The following CDCA2 variants were observed in gnomAD, a reference collection of about 807,000 sequenced individuals.
CDCA2 encodes the protein cell division cycle-associated protein 2.
Under a neutral mutation model 67.0 loss-of-function variants are expected in CDCA2, and 44 were observed. The observed-to-expected ratio is 0.66, with a 90% CI of 0.52 to 0.84. CDCA2 has a LOEUF of 0.84. Ranked by LOEUF, CDCA2 falls within the 40% of genes least tolerant of loss-of-function variation. The pLI is 0.00. For synonymous variants in CDCA2, 447 were observed against 418.7 expected (o/e 1.07, Z -0.82); for missense variants, 1,253 against 1,203.2 (o/e 1.04, Z -0.61).
At position 25,507,827 on chromosome 8, in the gene CDCA2, C is replaced by T; in HGVS notation, c.*89C>T. 1 of 1,369,438 alleles carries T rather than the reference C, an allele frequency of 7.3e-7. No homozygotes were observed. The highest frequency in any genetic ancestry group is 9.6e-7 in the Non-Finnish European group (1 of 1,042,030). The allele number at this position is 1,369,438 out of a possible 1,614,324, so 84.8% of individuals were successfully genotyped here. A position where few individuals can be genotyped will look rare whatever the true frequency, so the allele number is the denominator to read the frequency against. ...CTAGTTCCCATTCTCTGTTCAACCTCAGTGTTTCAAAAGTTCCTAATAAAT... is the reference window on the plus strand; with the variant it reads ...CTAGTTCCCATTCTCTGTTCAACCTTAGTGTTTCAAAAGTTCCTAATAAAT... On this transcript the variant is annotated 3_prime_UTR_variant, in exon 15 of 15. Coordinates refer to ENST00000330560, the MANE Select transcript of CDCA2 (RefSeq NM_152562.4).
At chr8:25,501,080 A>G (rs2117550150) in intron 13 of CDCA2, among the ~76,000 whole-genome samples, 1 of 152,340 alleles carries the variant, frequency 6.6e-6, no homozygotes, top group South Asian at 2.1e-4. Flanking sequence ...GAATGTCAAC[A>G]GATGTTCCAT....
intron 10 of CDCA2, among the ~76,000 whole-genome samples, chr8:25,484,709 C>T (rs924969794): frequency 6.6e-6 from 1 of 151,678 alleles, no homozygotes; most frequent in Non-Finnish European, 1.5e-5. Flanking sequence ...CTCCCATATC[C>T]TCCCGTCTTA....
chr8:25,483,053 C>G (rs1803630639), intron 8 of CDCA2, among the ~76,000 whole-genome samples: 1 of 152,052 alleles, frequency 6.6e-6, no homozygotes, highest in Admixed American at 6.6e-5. Flanking sequence ...AACTAATCTC[C>G]CATAGATATT....
At chr8:25,499,210 A>G (rs891122980) in intron 13 of CDCA2, among the ~76,000 whole-genome samples, 12 of 151,942 alleles carry the variant, frequency 7.9e-5, no homozygotes, top group South Asian at 4.2e-4. Flanking sequence ...GAGCCAGCAG[A>G]TAAGTAAGCA....
intron 13 of CDCA2, among the ~76,000 whole-genome samples, chr8:25,498,907 A>G (rs1469472546): frequency 6.6e-6 from 1 of 152,134 alleles, no homozygotes; most frequent in Admixed American, 6.5e-5. Context: ...TTTATTGTTG[A>G]ACCATATTTG....
At chr8:25,484,332 A>T in intron 10 of CDCA2, 122 bp downstream of exon 10, 2 of 1,310,750 alleles carry the variant, frequency 1.5e-6, no homozygotes, top group Non-Finnish European at 2.1e-6. Flanking sequence ...GCCATGGTTT[A>T]AATTAATCTA....
At chr8:25,476,520 G>T (rs1166105812) in intron 7 of CDCA2, among the ~76,000 whole-genome samples, 4 of 151,236 alleles carry the variant, frequency 2.6e-5, no homozygotes, top group African/African-American at 9.7e-5. Flanking sequence ...TTTCAAAAGG[G>T]TCTCAATGTT....
At chr8:25,468,119 A>C in intron 5 of CDCA2, 98 bp from the exon 6 acceptor site, 1 of 96,236 alleles carries the variant, frequency 1.0e-5, no homozygotes. Flanking sequence ...ACTCCGTCTC[A>C]AAAAAAAAAA....
At chr8:25,468,529 T>TGGGG (rs1251858719) in intron 6 of CDCA2, 116 bp downstream of exon 6, 1 of 370,388 alleles carries the variant, frequency 2.7e-6, no homozygotes, top group East Asian at 5.3e-5. Flanking sequence ...CTGTGGTTCC[T>TGGGG]GGGGTGTGTG....
intron 10 of CDCA2, among the ~76,000 whole-genome samples, chr8:25,484,882 A>G (rs1232792288): frequency 6.6e-6 from 1 of 152,182 alleles, no homozygotes; most frequent in Non-Finnish European, 1.5e-5. Flanking sequence ...CAGCATTGTG[A>G]TTTCAGCATT....
intron 7 of CDCA2, among the ~76,000 whole-genome samples, chr8:25,475,559 G>A (rs933778469): frequency 2.0e-5 from 3 of 152,118 alleles, no homozygotes; most frequent in Non-Finnish European, 2.9e-5. Context: ...CCAGAACTTA[G>A]TTGGCTCACA....
chr8:25,504,989 T>C (rs1306437757), intron 14 of CDCA2, among the ~76,000 whole-genome samples: 2 of 152,236 alleles, frequency 1.3e-5, no homozygotes, highest in Admixed American at 6.5e-5. Flanking sequence ...TTTTCCATGT[T>C]GTATCGTATT....
intron 13 of CDCA2, among the ~76,000 whole-genome samples, chr8:25,493,180 A>G (rs188201953): frequency 9.5e-4 from 144 of 152,336 alleles, no homozygotes; most frequent in Non-Finnish European, 1.6e-3. Context: ...TAAAAGTTCA[A>G]TGTTTACCAA....
chr8:25,485,125 C>T (rs542090464), intron 10 of CDCA2, among the ~76,000 whole-genome samples: 47 of 151,268 alleles, frequency 3.1e-4, no homozygotes, highest in African/African-American at 1.1e-3. Flanking sequence ...ACCAACATGG[C>T]ACGTGTATAC....
rs753048534 is a variant in CDCA2, at chr8:25,506,503, C to T, written c.1844-7C>T. The T allele has an allele frequency of 1.9e-6, 3 of 1,548,106 alleles. No homozygotes were observed. Among genetic ancestry groups the T allele is most frequent in the Non-Finnish European group, 2.6e-6 (3 of 1,154,144 alleles). ...AATTAGATTTAAACCTATTTACATG[C>T]CCATAGGTTATTTCAGTTCAAATGG... On this transcript the variant is annotated splice_polypyrimidine_tract_variant and splice_region_variant and intron_variant, in intron 14 of 14. Coordinates refer to ENST00000330560, the MANE Select transcript of CDCA2 (RefSeq NM_152562.4).
At chr8:25,473,505 T>C (rs1414083074) in intron 7 of CDCA2, among the ~76,000 whole-genome samples, 3 of 152,230 alleles carry the variant, frequency 2.0e-5, no homozygotes, top group African/African-American at 7.2e-5. Flanking sequence ...TATGAGCATT[T>C]ATTCAAAATC....
chr8:25,484,324 C>T, intron 10 of CDCA2, 114 bp downstream of exon 10: 1 of 1,353,640 alleles, frequency 7.4e-7, no homozygotes, highest in South Asian at 1.4e-5. Context: ...AATGATATGC[C>T]ATGGTTTAAA....
chr8:25,469,090 T>C (rs1027990667), intron 6 of CDCA2, among the ~76,000 whole-genome samples: 2 of 152,246 alleles, frequency 1.3e-5, no homozygotes, highest in African/African-American at 2.4e-5. Context: ...GACGGACTTT[T>C]CTTACTTCAT....
At chr8:25,459,866 A>C (rs973853995) in intron 1 of CDCA2, among the ~76,000 whole-genome samples, 4 of 152,198 alleles carry the variant, frequency 2.6e-5, no homozygotes, top group African/African-American at 9.7e-5. Context: ...AGGTAGAAAA[A>C]CAAAGAATGA....
Sources: gnomAD v4.1 joint callset for allele counts (sites outside exome capture counted in the v4.1 genomes callset) on GRCh38, gnomAD v4.1.1 for gene constraint, MANE v1.5 for transcripts, NCBI Gene and HGNC (gene_info 2026-07-23, HGNC 2026-07-21) for gene names.